The following APPL1 variants were observed in gnomAD, a reference collection of about 807,000 sequenced individuals.
The protein encoded by APPL1 is adaptor protein, phosphotyrosine interacting with PH domain and leucine zipper 1.
APPL1 carries 42 observed loss-of-function variants against 106.8 expected under a neutral mutation model. The ratio of observed to expected loss-of-function variants is 0.39; its 90% CI spans 0.31 to 0.51. APPL1 has a LOEUF of 0.51. Ranked by LOEUF, APPL1 falls within the 20% of genes least tolerant of loss-of-function variation. The pLI, the probability that APPL1 is intolerant of heterozygous loss-of-function variation, is 0.75. For synonymous variants in APPL1, 263 were observed against 281.8 expected, an observed-to-expected ratio of 0.93 and a Z score of 0.67; for missense variants, 769 against 858.2, an observed-to-expected ratio of 0.90 and a Z score of 1.30.
At chr3:57,253,213 C>G (rs932576355) in intron 12 of APPL1, among the ~76,000 whole-genome samples, 1 of 151,870 alleles carries the variant, frequency 6.6e-6, no homozygotes, top group Non-Finnish European at 1.5e-5. Flanking sequence ...ATATATTCAC[C>G]AAGAATATAT....
intron 8 of APPL1, 71 bp downstream of exon 8, chr3:57,246,293 G>A: frequency 8.7e-7 from 1 of 1,154,350 alleles, no homozygotes; most frequent in Non-Finnish European, 1.2e-6. Flanking sequence ...TTTACATTAA[G>A]TATAAGGGTA....
At chr3:57,250,796 C>T (rs72877609) in intron 11 of APPL1, among the ~76,000 whole-genome samples, 11,888 of 134,498 alleles carry the variant, frequency 0.088, 1,599 homozygotes, top group African/African-American at 0.29. Context: ...GACCTTTGAA[C>T]TTTCTTTCTT....
At position 57,228,006 on chromosome 3, in the gene APPL1, C is replaced by A; in HGVS notation, c.54+69C>A. On this transcript the variant is annotated intron_variant, in intron 1 of 21. Transcript: ENST00000288266. This position sits in a 1 kb window ranked among gnomAD's most constrained non-coding sequence, Gnocchi z 4.6. ...GCCGACCCCAGGTCTGGCGCCTCCGCGGCTCCCGCAGGTGCCCGCCCCGGC... is the reference window on the plus strand; with the variant it reads ...GCCGACCCCAGGTCTGGCGCCTCCGAGGCTCCCGCAGGTGCCCGCCCCGGC... 1 of 1,302,462 alleles carries A rather than the reference C, an allele frequency of 7.7e-7. No individual in the cohort carries two copies. The highest frequency in any genetic ancestry group is 1.0e-6 in the Non-Finnish European group (1 of 999,908). The allele number at this position is 1,302,462 out of a possible 1,614,324, so 80.7% of individuals were successfully genotyped here. A position where few individuals can be genotyped will look rare whatever the true frequency, so the allele number is the denominator to read the frequency against.
intron 19 of APPL1, among the ~76,000 whole-genome samples, chr3:57,266,202 G>A (rs1331247634): frequency 6.6e-6 from 1 of 152,064 alleles, no homozygotes; most frequent in African/African-American, 2.4e-5. Context: ...GGTAATACTG[G>A]CCTCGTAGAA....
chr3:57,236,972 C>G (rs1239572721), intron 2 of APPL1, among the ~76,000 whole-genome samples: 1 of 152,108 alleles, frequency 6.6e-6, no homozygotes, highest in Non-Finnish European at 1.5e-5. Flanking sequence ...GGCTCTGAAG[C>G]TTTGCTTTCT....
chr3:57,242,075 C>T (rs761216260), intron 5 of APPL1, 26 bp from the exon 6 acceptor site: 2 of 1,535,772 alleles, frequency 1.3e-6, no homozygotes, highest in Non-Finnish European at 1.8e-6. Context: ...ATGTGCCAAA[C>T]TTAAATTATT....
At chr3:57,269,426 G>C in intron 21 of APPL1, 115 bp from the exon 22 acceptor site, 1 of 1,021,250 alleles carries the variant, frequency 9.8e-7, no homozygotes, top group East Asian at 2.6e-5. Flanking sequence ...GTTGTCAGAA[G>C]TATGCATACA....
At chr3:57,240,944 G>A (rs2060743233) in intron 5 of APPL1, among the ~76,000 whole-genome samples, 1 of 152,198 alleles carries the variant, frequency 6.6e-6, no homozygotes. Context: ...TTCTGTTAGA[G>A]GGACTAGAGT....
At chr3:57,235,543 CTT>C (rs2107596962) in intron 1 of APPL1, 21 bp from the exon 2 acceptor site, 2 of 1,457,012 alleles carry the variant, frequency 1.4e-6, no homozygotes, top group Non-Finnish European at 1.9e-6. Flanking sequence ...TTAACATAAA[CTT>C]ATTGCTATTG....
Position 57,248,819 on chromosome 3 carries a change from G to A in APPL1, c.863+468G>A, listed in dbSNP as rs948977980. ...TGGGAGGCAGAGGTTGTGGTGAGCC[G>A]AGATCCCACCACTGCACTCCAGCCT... On this transcript the variant is annotated intron_variant, in intron 10 of 21. Coordinates refer to ENST00000288266, the MANE Select transcript of APPL1 (RefSeq NM_012096.3). Among the ~76,000 whole-genome samples the A allele has an allele frequency of 2.6e-5, 4 of 151,418 alleles. No individual in the cohort carries two copies. The South Asian group carries it at 6.3e-4, about 24-fold the overall frequency.
chr3:57,246,793 A>G (rs1323324586), intron 8 of APPL1, among the ~76,000 whole-genome samples: 2 of 152,096 alleles, frequency 1.3e-5, no homozygotes, highest in Non-Finnish European at 2.9e-5. Flanking sequence ...ATTTGAGTCC[A>G]GGAGTTTGAG....
intron 1 of APPL1, among the ~76,000 whole-genome samples, chr3:57,233,026 CAAAAA>C (rs1205205813): frequency 2.6e-5 from 4 of 151,516 alleles, no homozygotes; most frequent in East Asian, 1.9e-4. Flanking sequence ...AACAAAAAAA[CAAAAA>C]AGAAAAGTGG....
Position 57,271,804 on chromosome 3 carries a change from A to T in APPL1, c.*2117A>T, listed in dbSNP as rs2060942082. ...GAATTTCTACAATAATAAACCCATC[A>T]TCTCCATAGGTCAGATCGAAGTGCA... On this transcript the variant is annotated 3_prime_UTR_variant, in exon 22 of 22. Transcript: ENST00000288266. 1 of 152,234 alleles carries T rather than the reference A, an allele frequency of 6.6e-6. No homozygotes were observed. The highest frequency in any genetic ancestry group is 6.5e-5 in the Admixed American group (1 of 15,284). 9.4% of individuals were successfully genotyped at this position (152,234 alleles called of 1,614,324 possible).
At position 57,228,291 on chromosome 3, in the gene APPL1, C is replaced by A. The variant is rs1475249545; in HGVS notation, c.54+354C>A. ...GATCCTGGAATTTTCTCCCTGAGAA[C>A]CTCTTCAGAAAAATTGCAGAAGGGA... On this transcript the variant is annotated intron_variant, in intron 1 of 21. Transcript: ENST00000288266. The surrounding 1 kb of genome is among the most constrained non-coding windows in gnomAD (Gnocchi z 4.6). Among the ~76,000 whole-genome samples the A allele has an allele frequency of 6.6e-6, 1 of 152,244 alleles. No homozygotes were observed. Among genetic ancestry groups the A allele is most frequent in the Non-Finnish European group, 1.5e-5 (1 of 68,042 alleles).
In APPL1 at chr3:57,257,418, C is replaced by T; in HGVS notation, c.1420C>T (p.Gln474Ter). The T allele has an allele frequency of 6.2e-7, 1 of 1,611,256 alleles. No individual in the cohort carries two copies. Among genetic ancestry groups the T allele is most frequent in the Non-Finnish European group, 8.5e-7 (1 of 1,178,532 alleles). ...GCCTGGCCAGGCAAAAGCCTTTGGC[C>T]AGGGAGGCAGGTGGGTGATAGCATC... ...DQPGQAKAFGQGGRRTNPFGE... is the reference protein window; with the variant it reads ...DQPGQAKAFG Residue 474 changes from glutamine to a stop codon, truncating the protein, a stop_gained, in exon 15 of 22, where the codon CAG (glutamine) becomes TAG (stop). Transcript: ENST00000288266. LOFTEE classifies it high-confidence loss of function.
chr3:57,250,804 CTT>C (rs71088045), intron 11 of APPL1, among the ~76,000 whole-genome samples: 19 of 110,284 alleles, frequency 1.7e-4, no homozygotes, highest in Admixed American at 4.5e-4. Flanking sequence ...AACTTTCTTT[CTT>C]TTTTTTTTTT....
In APPL1 at chr3:57,259,515, C is replaced by T. The variant is rs147339849; in HGVS notation, c.1484-330C>T. Among the ~76,000 whole-genome samples the T allele has an allele frequency of 1.3e-4, 20 of 152,072 alleles. No homozygotes were observed. The East Asian group carries it at 3.1e-3, about 24-fold the overall frequency. On this transcript the variant is annotated intron_variant, in intron 16 of 21. Transcript: ENST00000288266. Reference sequence around the variant, plus strand: ...CTCCCTATGTTGCCTAGGCTGGTCTCGAACTCCTGGGCTCAAGGGATCCTC... The same window carrying T: ...CTCCCTATGTTGCCTAGGCTGGTCTTGAACTCCTGGGCTCAAGGGATCCTC...
chr3:57,237,732 T>G (rs550514895), intron 3 of APPL1, among the ~76,000 whole-genome samples, 181 bp downstream of exon 3: 1 of 152,294 alleles, frequency 6.6e-6, no homozygotes, highest in East Asian at 1.9e-4. Context: ...CTATCTAGTT[T>G]ACTTGTTTTC....
chr3:57,270,043 T>G lies in APPL1; in HGVS notation c.*356T>G, dbSNP rs2060925642. On this transcript the variant is annotated 3_prime_UTR_variant, in exon 22 of 22. Transcript: ENST00000288266. The stretch of plus-strand genomic sequence containing the variant: ...ATAAGAAATCATTTATTCTTCAGGC[T>G]TAGACATTCATGGATATGCTTTTCT... 1 of 163,198 alleles carries G rather than the reference T, an allele frequency of 6.1e-6. No homozygotes were observed. The highest frequency in any genetic ancestry group is 2.4e-5 in the African/African-American group (1 of 41,860). 10.1% of individuals were successfully genotyped at this position (163,198 alleles called of 1,614,324 possible). A position where few individuals can be genotyped will look rare whatever the true frequency, so the allele number is the denominator to read the frequency against.
Sources: gnomAD v4.1 joint callset for allele counts (sites outside exome capture counted in the v4.1 genomes callset) on GRCh38, gnomAD v4.1.1 for gene constraint, Gnocchi (gnomAD v3.1) non-coding constraint, MANE v1.5 for transcripts, NCBI Gene and HGNC (gene_info 2026-07-23, HGNC 2026-07-21) for gene names.